The following SSBP3 variants were observed in gnomAD, a reference collection of about 807,000 sequenced individuals.
SSBP3 encodes the protein single stranded DNA binding protein 3.
In SSBP3, 5 loss-of-function variants were observed where a neutral mutation model predicts 69.6. The ratio of observed to expected loss-of-function variants is 0.07; its 90% CI spans 0.04 to 0.15. SSBP3 has a LOEUF of 0.15. SSBP3 is among the 10% of genes least tolerant of loss of function. SSBP3 has a pLI of 1.00. For missense variants in SSBP3, 312 were observed against 534.0 expected, an observed-to-expected ratio of 0.58 and a Z score of 4.10; for synonymous variants, 196 against 193.4, an observed-to-expected ratio of 1.01 and a Z score of -0.11.
chr1:54,309,347 C>T (rs1645957696), intron 4 of SSBP3, among the ~76,000 whole-genome samples: 3 of 152,222 alleles, frequency 2.0e-5, no homozygotes, highest in Admixed American at 6.5e-5. Context: ...TGAGTCGGGC[C>T]AGCCCAAGTT....
intron 4 of SSBP3, among the ~76,000 whole-genome samples, chr1:54,319,397 A>G: frequency 6.6e-6 from 1 of 151,886 alleles, no homozygotes; most frequent in African/African-American, 2.4e-5. Context: ...CCCGCTCTGC[A>G]ACTCCCATCC....
At chr1:54,294,159 A>AAAAAAAAAAAGAAAG (rs754650225) in intron 4 of SSBP3, among the ~76,000 whole-genome samples, 1 of 86,164 alleles carries the variant, frequency 1.2e-5, no homozygotes, top group Non-Finnish European at 2.3e-5. Flanking sequence ...AAAAAAAAAA[A>AAAAAAAAAAAGAAAG]AAAGAAAGAA....
intron 4 of SSBP3, among the ~76,000 whole-genome samples, chr1:54,381,351 C>A (rs1460148077): frequency 7.3e-6 from 1 of 137,662 alleles, no homozygotes; most frequent in Non-Finnish European, 1.5e-5. Flanking sequence ...ACACTGTACT[C>A]CAGCCTGGGC....
At chr1:54,306,306 T>C (rs1645900823) in intron 4 of SSBP3, among the ~76,000 whole-genome samples, 1 of 152,206 alleles carries the variant, frequency 6.6e-6, no homozygotes, top group African/African-American at 2.4e-5. Flanking sequence ...AGCCCCAGGC[T>C]GGTGTCAGCC....
chr1:54,359,181 T>C (rs1004649649), intron 4 of SSBP3, among the ~76,000 whole-genome samples: 19 of 132,248 alleles, frequency 1.4e-4, no homozygotes, highest in African/African-American at 5.4e-4. Context: ...CAGAGACATA[T>C]ATGAGTTGCT....
rs1169205626 is a variant in SSBP3 at position 54,228,492 on chromosome 1, T to G, written c.1007-15A>C. Reference sequence around the variant, plus strand: ...GTCGCCTGACCCTGGAAAGAAAAAATAATCCAATTCAGTTTCTTGCTTGCT... The same window carrying G: ...GTCGCCTGACCCTGGAAAGAAAAAAGAATCCAATTCAGTTTCTTGCTTGCT... On this transcript the variant is annotated splice_polypyrimidine_tract_variant and intron_variant, in intron 15 of 17. Transcript: ENST00000610401. 1 of 1,614,084 alleles carries G rather than the reference T, an allele frequency of 6.2e-7. No individual in the cohort carries two copies. The highest frequency in any genetic ancestry group is 1.7e-5 in the Admixed American group (1 of 60,020).
intron 4 of SSBP3, among the ~76,000 whole-genome samples, chr1:54,303,221 G>A (rs1268611957): frequency 2.0e-5 from 3 of 152,164 alleles, no homozygotes; most frequent in Non-Finnish European, 4.4e-5. Context: ...AGCTTGGGGT[G>A]GGGGCGCCTC....
intron 5 of SSBP3, among the ~76,000 whole-genome samples, chr1:54,261,832 G>A (rs1269591669): frequency 1.3e-5 from 2 of 152,154 alleles, no homozygotes; most frequent in African/African-American, 4.8e-5. Flanking sequence ...GTGGCTGGGG[G>A]TCCTTACTAG....
At chr1:54,350,822 A>G (rs1040806917) in intron 4 of SSBP3, among the ~76,000 whole-genome samples, 1 of 151,720 alleles carries the variant, frequency 6.6e-6, no homozygotes, top group African/African-American at 2.4e-5. Flanking sequence ...CAGAAATAGA[A>G]CCCGCACAGC....
chr1:54,318,799 C>G (rs1646160994), intron 4 of SSBP3, among the ~76,000 whole-genome samples: 1 of 152,200 alleles, frequency 6.6e-6, no homozygotes, highest in South Asian at 2.1e-4. Flanking sequence ...ATATTCCAGA[C>G]TATTATATCA....
intron 13 of SSBP3, among the ~76,000 whole-genome samples, chr1:54,240,487 G>A (rs576811503): frequency 1.7e-5 from 2 of 118,772 alleles, no homozygotes; most frequent in African/African-American, 3.0e-5. Flanking sequence ...GGGGGGGCGG[G>A]GGGGAGAAGG....
Position 54,385,123 on chromosome 1 carries a change from C to A in SSBP3, c.276+16738G>T, listed in dbSNP as rs557384587. On this transcript the variant is annotated intron_variant, in intron 4 of 17. Coordinates refer to ENST00000610401, the Ensembl canonical transcript of SSBP3. ...CGCAGATCCCTAGATGAGGCCTGAG[C>A]ACAGCCCCTGATGGCAGGCAGTGGG... Among the ~76,000 whole-genome samples the A allele has an allele frequency of 2.0e-5, 3 of 152,342 alleles. No individual in the cohort carries two copies. In the South Asian group the frequency reaches 6.2e-4, roughly 32 times the overall value.
chr1:54,387,140 C>T (rs943761065), intron 4 of SSBP3, among the ~76,000 whole-genome samples: 1 of 152,210 alleles, frequency 6.6e-6, no homozygotes, highest in Non-Finnish European at 1.5e-5. Flanking sequence ...ATTACTCACA[C>T]GTGCTAGTGT....
chr1:54,305,236 A>ATTCC (rs1645877799), intron 4 of SSBP3, among the ~76,000 whole-genome samples: 1 of 151,996 alleles, frequency 6.6e-6, no homozygotes, highest in East Asian at 1.9e-4. Context: ...AAAGACATTC[A>ATTCC]GTAGCTGTGA....
intron 4 of SSBP3, among the ~76,000 whole-genome samples, chr1:54,396,213 A>C (rs899064045): frequency 1.3e-5 from 2 of 148,896 alleles, no homozygotes; most frequent in Non-Finnish European, 3.0e-5. Flanking sequence ...AAAAAAAAAA[A>C]AAAAAACAAC....
intron 4 of SSBP3, among the ~76,000 whole-genome samples, chr1:54,312,686 C>A (rs1646024924): frequency 1.3e-5 from 2 of 152,178 alleles, no homozygotes; most frequent in Non-Finnish European, 2.9e-5. Flanking sequence ...AGGCTCCCAC[C>A]CATTCTGATG....
At chr1:54,404,664 T>TA (rs766988047) in intron 2 of SSBP3, 27 bp from the exon 3 acceptor site, 10 of 1,613,268 alleles carry the variant, frequency 6.2e-6, no homozygotes, top group Admixed American at 1.7e-5. Flanking sequence ...AGAAGCAGCT[T>TA]AGAGGAGCAG....
intron 9 of SSBP3, among the ~76,000 whole-genome samples, chr1:54,249,452 TGGGAGG>T (rs549646897): frequency 1.2e-3 from 185 of 152,196 alleles, no homozygotes; most frequent in African/African-American, 4.4e-3. Context: ...CCCAGCACTT[TGGGAGG>T]CTGAGGTCGG....
chr1:54,410,325 C>T (rs937086199), upstream of SSBP3, among the ~76,000 whole-genome samples: 2 of 152,158 alleles, frequency 1.3e-5, no homozygotes, highest in Non-Finnish European at 2.9e-5. Context: ...GGGGTCCAGG[C>T]CTCCAGAAGG....
Sources: allele counts gnomAD v4.1 joint callset (sites outside exome capture counted in the v4.1 genomes callset), GRCh38; gene constraint gnomAD v4.1.1; transcripts MANE v1.5; gene names NCBI Gene and HGNC (gene_info 2026-07-23, HGNC 2026-07-21).